TRPC1: variants seen among roughly 807,000 people sequenced by gnomAD.
TRPC1 encodes the protein short transient receptor potential channel 1.
Under a neutral mutation model 88.2 loss-of-function variants are expected in TRPC1, and 42 were observed. That is an observed-to-expected ratio of 0.48 (90% CI 0.37 to 0.62). The LOEUF is 0.62. Ranked by LOEUF, TRPC1 falls within the 20% of genes least tolerant of loss-of-function variation. The pLI is 0.00. For synonymous variants in TRPC1, 288 were observed against 331.8 expected (o/e 0.87, Z 1.43); for missense variants, 699 against 957.3 (o/e 0.73, Z 3.56).
chr3:142,795,578 A>C (rs887506289), intron 9 of TRPC1, among the ~76,000 whole-genome samples: 1 of 151,734 alleles, frequency 6.6e-6, no homozygotes, highest in Non-Finnish European at 1.5e-5. Flanking sequence ...AAGCACTGAA[A>C]GAAAAAAAAA....
At chr3:142,782,023 A>G (rs918194356) in intron 6 of TRPC1, among the ~76,000 whole-genome samples, 19 of 152,250 alleles carry the variant, frequency 1.2e-4, no homozygotes, top group Admixed American at 7.2e-4. Flanking sequence ...ATTGGTTAAT[A>G]TATTTGCTTC....
intron 1 of TRPC1, among the ~76,000 whole-genome samples, chr3:142,730,071 A>G (rs1198918567): frequency 1.3e-5 from 2 of 152,152 alleles, no homozygotes; most frequent in African/African-American, 2.4e-5. Context: ...ATATGAGATT[A>G]AATTTAAGCA....
At position 142,805,993 on chromosome 3, in the gene TRPC1, ATTG is replaced by A; in HGVS notation, c.2155-9_2155-7del. 1 of 1,608,530 alleles carries A rather than the reference ATTG, an allele frequency of 6.2e-7. No individual in the cohort carries two copies. On this transcript the variant is annotated splice_polypyrimidine_tract_variant and intron_variant, in intron 12 of 12. Coordinates refer to ENST00000476941, the MANE Select transcript of TRPC1 (RefSeq NM_001251845.2). ...CGTTTCTGCATATCCTTAGTATCAT[ATTG>A]TTGTTTTGAAGGAATGGAGGAATTT...
intron 5 of TRPC1, 151 bp from the exon 6 acceptor site, chr3:142,780,683 A>G (rs971250939): frequency 2.3e-5 from 17 of 746,980 alleles, no homozygotes; most frequent in Middle Eastern, 3.6e-4. Flanking sequence ...GTGCATCACT[A>G]GTTTCCTTTG....
intron 4 of TRPC1, among the ~76,000 whole-genome samples, chr3:142,759,214 TG>T (rs1935092883): frequency 6.6e-6 from 1 of 152,226 alleles, no homozygotes; most frequent in Non-Finnish European, 1.5e-5. Flanking sequence ...CTGGGTCAAA[TG>T]GTATTTCTAG....
In TRPC1 at chr3:142,736,498, G is replaced by T; in HGVS notation, c.292G>T (p.Asp98Tyr). ...VTITIENENL[D>Y]ILQLLLDYGC... ...CATAACTATTGAAAACGAAAACTTG[G>T]ATATACTGCAGCTTCTTTTGGACTA... Residue 98 changes from aspartate (D) to tyrosine (Y), a missense_variant, in exon 2 of 13, where the codon GAT becomes TAT. By Grantham distance (160) the Asp-to-Tyr change is radical. This residue lies in a region of TRPC1 where 157 missense variants were observed against 127.0 expected (regional missense o/e 1.24). Coordinates refer to ENST00000476941, the MANE Select transcript of TRPC1 (RefSeq NM_001251845.2). 6.2e-7 allele frequency: 1 copy of T among 1,611,150 alleles called. No homozygotes were observed. Among genetic ancestry groups the T allele is most frequent in the Non-Finnish European group, 8.5e-7 (1 of 1,178,998 alleles).
At chr3:142,774,190 G>A (rs1244040664) in intron 4 of TRPC1, among the ~76,000 whole-genome samples, 2 of 152,190 alleles carry the variant, frequency 1.3e-5, no homozygotes, top group African/African-American at 4.8e-5. Flanking sequence ...GTTGGGGAAT[G>A]CATTTGAAGT....
At chr3:142,777,856 A>G in intron 5 of TRPC1, 93 bp downstream of exon 5, 2 of 1,355,556 alleles carry the variant, frequency 1.5e-6, no homozygotes, top group Non-Finnish European at 9.9e-7. Context: ...ATATATTTAC[A>G]TTTGATCCAA....
intron 3 of TRPC1, among the ~76,000 whole-genome samples, chr3:142,747,034 A>G (rs1934581733): frequency 6.6e-6 from 1 of 152,246 alleles, no homozygotes; most frequent in South Asian, 2.1e-4. Context: ...ATATAAAATT[A>G]TGTGCATGAA....
At chr3:142,780,422 TATG>T (rs1560111516) in intron 5 of TRPC1, among the ~76,000 whole-genome samples, 1 of 152,188 alleles carries the variant, frequency 6.6e-6, no homozygotes, top group African/African-American at 2.4e-5. Flanking sequence ...TTAAAAATTT[TATG>T]ATAATGATTG....
chr3:142,763,000 A>G (rs1935238270), intron 4 of TRPC1, among the ~76,000 whole-genome samples: 3 of 151,694 alleles, frequency 2.0e-5, no homozygotes, highest in Admixed American at 2.0e-4. Context: ...TTTATTATTG[A>G]TTTCTAGTTT....
intron 4 of TRPC1, among the ~76,000 whole-genome samples, chr3:142,772,090 G>A (rs28689551): frequency 0.35 from 52,965 of 151,850 alleles, 12,718 homozygotes; most frequent in African/African-American, 0.69. Context: ...TGTTGCTTCC[G>A]AGATTTTGTC....
intron 3 of TRPC1, among the ~76,000 whole-genome samples, chr3:142,743,982 C>G (rs1296920250): frequency 6.6e-6 from 1 of 152,006 alleles, no homozygotes; most frequent in Non-Finnish European, 1.5e-5. Flanking sequence ...AAGCAATGGA[C>G]AGAAATCACA....
intron 8 of TRPC1, among the ~76,000 whole-genome samples, chr3:142,791,362 A>T (rs1187160666): frequency 1.3e-5 from 2 of 152,152 alleles, no homozygotes; most frequent in East Asian, 3.8e-4. Context: ...GTTATTTATT[A>T]TATAACAGGG....
At chr3:142,738,481 A>G (rs1934222339) in intron 2 of TRPC1, among the ~76,000 whole-genome samples, 1 of 152,226 alleles carries the variant, frequency 6.6e-6, no homozygotes, top group Non-Finnish European at 1.5e-5. Context: ...TGACCATTTT[A>G]TATTGCTTTG....
At position 142,736,412 on chromosome 3, in the gene TRPC1, A is replaced by G. The variant is rs1934140197; in HGVS notation, c.206A>G (p.Glu69Gly). ...DYYMVKKILE[E>G]NSSGDLNINC... is the part of the protein sequence containing the mutation. The stretch of plus-strand genomic sequence containing the variant: ...TATATGGTTAAAAAGATTTTGGAGG[A>G]AAACAGTTCAGGTGACTTGAACATA... Residue 69 changes from glutamate (E) to glycine (G), a missense_variant, in exon 2 of 13, where the codon GAA (glutamate) becomes GGA (glycine). This residue lies in a region of TRPC1 where 157 missense variants were observed against 127.0 expected (regional missense o/e 1.24). Coordinates refer to ENST00000476941, the MANE Select transcript of TRPC1 (RefSeq NM_001251845.2). The G allele has an allele frequency of 6.2e-7, 1 of 1,609,552 alleles. No individual in the cohort carries two copies. Among genetic ancestry groups the G allele is most frequent in the East Asian group, 2.2e-5 (1 of 44,582 alleles).
chr3:142,760,224 G>A (rs1560103364), intron 4 of TRPC1, among the ~76,000 whole-genome samples: 1 of 152,298 alleles, frequency 6.6e-6, no homozygotes, highest in East Asian at 1.9e-4. Flanking sequence ...GTATATTTAA[G>A]TTTTTAATCA....
intron 4 of TRPC1, among the ~76,000 whole-genome samples, chr3:142,758,802 T>C (rs2108068894): frequency 6.6e-6 from 1 of 151,828 alleles, no homozygotes; most frequent in Non-Finnish European, 1.5e-5. Flanking sequence ...ACATTAGGTA[T>C]ATCTCTAATG....
intron 1 of TRPC1, among the ~76,000 whole-genome samples, chr3:142,734,280 A>C (rs547765356): frequency 1.3e-5 from 2 of 152,348 alleles, no homozygotes; most frequent in East Asian, 3.9e-4. Context: ...AAAATAAGGA[A>C]ATGAAAACAT....
Sources: allele counts gnomAD v4.1 joint callset (sites outside exome capture counted in the v4.1 genomes callset), GRCh38; gene constraint gnomAD v4.1.1; regional missense constraint gnomAD v4.1.1; transcripts MANE v1.5; gene names NCBI Gene and HGNC (gene_info 2026-07-23, HGNC 2026-07-21).